Variants in ITSN2 observed in about 807,000 individuals in gnomAD.
ITSN2 encodes the protein intersectin 2.
A neutral mutation model predicts 243.7 loss-of-function variants in ITSN2; 156 were observed. That is an observed-to-expected ratio of 0.64 (90% CI 0.56 to 0.73). The LOEUF (loss-of-function observed/expected upper bound fraction) is 0.73, where lower values mean the gene tolerates loss of function less well. Among genes scored for constraint, ITSN2 ranks in the 30% least tolerant of loss-of-function variants. The pLI, the probability that ITSN2 is intolerant of heterozygous loss-of-function variation, is 0.00. For synonymous variants in ITSN2, 703 were observed against 699.9 expected (o/e 1.00, Z -0.07); for missense variants, 1,801 against 1,996.1 (o/e 0.90, Z 1.86).
At chr2:24,222,052 A>G (rs1276371174) in intron 29 of ITSN2, among the ~76,000 whole-genome samples, 1 of 152,158 alleles carries the variant, frequency 6.6e-6, no homozygotes, top group Non-Finnish European at 1.5e-5. Context: ...GGAGATCGAG[A>G]CCATCCTGGC....
rs2151172685 is a variant in ITSN2, at chr2:24,225,144, C to G, written c.3578-4078G>C. Reference sequence around the variant, plus strand: ...CCACTGTCTGTAGTCAGCCTCTCCTCCAGGGCCCCTCCCTTTCCTTCACGC... The same window carrying G: ...CCACTGTCTGTAGTCAGCCTCTCCTGCAGGGCCCCTCCCTTTCCTTCACGC... On this transcript the variant is annotated intron_variant, in intron 29 of 39. Transcript: ENST00000355123. This position sits in a 1 kb window ranked among gnomAD's most constrained non-coding sequence, Gnocchi z 4.2. Among the ~76,000 whole-genome samples, 1 of 152,278 alleles carries G rather than the reference C, an allele frequency of 6.6e-6. No individual in the cohort carries two copies. The highest frequency in any genetic ancestry group is 2.4e-5 in the African/African-American group (1 of 41,554).
intron 31 of ITSN2, among the ~76,000 whole-genome samples, chr2:24,216,648 G>A (rs559748778): frequency 5.9e-5 from 9 of 152,056 alleles, no homozygotes; most frequent in African/African-American, 1.9e-4. Context: ...CAGCTACTCC[G>A]GAGGCTGAGG....
rs1308666029 is a variant in ITSN2, at chr2:24,246,273, C to T, written c.3433G>A (p.Glu1145Lys). The change falls in exon 29 of 40, where the codon GAG becomes AAG. Residue 1145 changes from glutamate (E) to lysine (K), a missense_variant. Coordinates refer to ENST00000355123, the MANE Select transcript of ITSN2 (RefSeq NM_006277.3). ...AGTTGTCCCTTGGAGAAACTGAGCT[C>T]ATCTTCATTATTTGCTGCATAGTCA... Reference protein sequence around the residue: ...MYDYAANNEDELSFSKGQLIN... With the variant: ...MYDYAANNEDKLSFSKGQLIN... The T allele has an allele frequency of 1.2e-6, 2 of 1,612,540 alleles. No homozygotes were observed. Among genetic ancestry groups the T allele is most frequent in the Non-Finnish European group, 1.7e-6 (2 of 1,178,916 alleles).
At position 24,337,315 on chromosome 2, in the gene ITSN2, A is replaced by AATATATAT. The variant is rs201712131; in HGVS notation, c.-33-9208_-33-9201dup. Among the ~76,000 whole-genome samples the AATATATAT allele has an allele frequency of 2.7e-3, 88 of 32,006 alleles. 1 individual carries two copies. The highest frequency in any genetic ancestry group is 8.2e-3 in the South Asian group (6 of 728). The allele number at this position is 32,006 out of a possible 152,430, so 21.0% of individuals were successfully genotyped here. A position where few individuals can be genotyped will look rare whatever the true frequency, so the allele number is the denominator to read the frequency against. On this transcript the variant is annotated intron_variant, in intron 1 of 39. Transcript: ENST00000355123. ...TGTGTGTGTGTGTGTGTATACACAA[A>AATATATAT]ATATATATATATATATATATATATA...
At chr2:24,214,713 A>T (rs549722425) in intron 32 of ITSN2, among the ~76,000 whole-genome samples, 1 of 152,248 alleles carries the variant, frequency 6.6e-6, no homozygotes, top group Non-Finnish European at 1.5e-5. Flanking sequence ...GGATATATTG[A>T]TATAATTTGT....
chr2:24,284,258 G>A (rs1394772532), intron 17 of ITSN2, among the ~76,000 whole-genome samples: 2 of 152,092 alleles, frequency 1.3e-5, no homozygotes, highest in East Asian at 3.8e-4. Context: ...TATGAGCCTG[G>A]TAACTAGACC....
Position 24,212,732 on chromosome 2 carries a change from G to A in ITSN2, c.4007C>T (p.Pro1336Leu), listed in dbSNP as rs1223348768. ...KEFLKKLASD[P>L]RCKGMPLSSF... Reference sequence around the variant, plus strand: ...GGAGAGGGGCATTCCTTTACACCGCGGGTCAGATGCCAGCTTCTGCAAAAC... The same window carrying A: ...GGAGAGGGGCATTCCTTTACACCGCAGGTCAGATGCCAGCTTCTGCAAAAC... Residue 1336 changes from proline (P) to leucine (L), a missense_variant, in exon 33 of 40, where the codon CCG becomes CTG. Transcript: ENST00000355123. 7.4e-6 allele frequency: 12 copies of A among 1,613,990 alleles called. No homozygotes were observed. The highest frequency in any genetic ancestry group is 1.3e-5 in the African/African-American group (1 of 74,910).
rs779375390 is a variant in ITSN2 at position 24,203,798 on chromosome 2, C to T, written c.4937-15G>A. 6.2e-7 allele frequency: 1 copy of T among 1,605,390 alleles called. No individual in the cohort carries two copies. The highest frequency in any genetic ancestry group is 8.5e-7 in the Non-Finnish European group (1 of 1,174,822). On this transcript the variant is annotated splice_polypyrimidine_tract_variant and intron_variant, in intron 39 of 39. Transcript: ENST00000355123. ...ACCCAGGAAATCTGGTGAATAAACA[C>T]AGGAGAGTCAGAAGTCTTTCTTCTT...
rs12623493 is a variant in ITSN2, at chr2:24,305,626, G to T, written c.794-1764C>A. Among the ~76,000 whole-genome samples, 452 of 140,810 alleles carry T rather than the reference G, an allele frequency of 3.2e-3. 7 individuals are homozygous for T. In the East Asian group the frequency reaches 0.069, roughly 22 times the overall value. 92.4% of individuals were successfully genotyped at this position (140,810 alleles called of 152,430 possible). ...AGGATCACCAACTCCTACACTTATT[G>T]AACAAAACAAACATATAAGTCCAGG... On this transcript the variant is annotated intron_variant, in intron 8 of 39. Transcript: ENST00000355123.
chr2:24,204,391 C>T lies in ITSN2; in HGVS notation c.4790G>A (p.Ser1597Asn), dbSNP rs186077345. 1 of 1,613,980 alleles carries T rather than the reference C, an allele frequency of 6.2e-7. No individual in the cohort carries two copies. The highest frequency in any genetic ancestry group is 8.5e-7 in the Non-Finnish European group (1 of 1,180,000). Reference sequence around the variant, plus strand: ...GGTGGTGTAGCTCTGGGAGCCCATGCTGATTTCACAGTATGGGTTGCTCTT... The same window carrying T: ...GGTGGTGTAGCTCTGGGAGCCCATGTTGATTTCACAGTATGGGTTGCTCTT... ...NGKSNPYCEI[S>N]MGSQSYTTRT... is the part of the protein sequence containing the mutation. The change falls in exon 39 of 40, where the codon AGC (serine) becomes AAC (asparagine). Residue 1597 changes from serine to asparagine, a missense_variant. By Grantham distance (46) the Ser-to-Asn change is conservative. This residue lies in a region of ITSN2 where 928 missense variants were observed against 1,065.4 expected (regional missense o/e 0.87). Transcript: ENST00000355123. This position sits in a 1 kb window ranked among gnomAD's most constrained non-coding sequence, Gnocchi z 5.1.
intron 1 of ITSN2, among the ~76,000 whole-genome samples, chr2:24,331,663 AC>A (rs1157971782): frequency 1.1e-4 from 16 of 152,038 alleles, no homozygotes; most frequent in Admixed American, 9.2e-4. Flanking sequence ...ACTCCCTTAA[AC>A]CCAGACATCT....
rs542987152 is a variant in ITSN2, at chr2:24,240,953, G to C, written c.3577+5176C>G. 2.0e-5 allele frequency: 3 copies of C among 152,210 alleles called. No individual in the cohort carries two copies. The South Asian group carries it at 6.2e-4, about 32-fold the overall frequency. 9.4% of individuals were successfully genotyped at this position (152,210 alleles called of 1,614,324 possible). ...TAAAGTGTTTTCCATTCCAGGAAAA[G>C]AAGTAAATTCTTATGTCAAAGTAGC... On this transcript the variant is annotated intron_variant, in intron 29 of 39. Coordinates refer to ENST00000355123, the MANE Select transcript of ITSN2 (RefSeq NM_006277.3).
intron 17 of ITSN2, 63 bp downstream of exon 17, chr2:24,284,700 A>T: frequency 1.1e-6 from 1 of 918,780 alleles, no homozygotes; most frequent in Non-Finnish European, 1.8e-6. Flanking sequence ...AGAATAGTCT[A>T]GTTTTAAAAA....
At chr2:24,244,139 G>T (rs963436377) in intron 29 of ITSN2, among the ~76,000 whole-genome samples, 3 of 152,148 alleles carry the variant, frequency 2.0e-5, no homozygotes, top group African/African-American at 7.2e-5. Flanking sequence ...ACTAACAGAT[G>T]ATATCAATCT....
In ITSN2 at chr2:24,211,395, A is replaced by C. The variant is rs557532762; in HGVS notation, c.4090-448T>G. 8.5e-5 allele frequency among the ~76,000 whole-genome samples: 13 copies of C among 152,374 alleles called. No homozygotes were observed. The South Asian group carries it at 2.7e-3, about 32-fold the overall frequency. On this transcript the variant is annotated intron_variant, in intron 33 of 39. Coordinates refer to ENST00000355123, the MANE Select transcript of ITSN2 (RefSeq NM_006277.3). This position sits in a 1 kb window ranked among gnomAD's most constrained non-coding sequence, Gnocchi z 4.1. ...TTTTGAAAAAAATCTGATGAAAGCAATGACTCCCATGCCACAGGAAAAATA... is the reference window on the plus strand; with the variant it reads ...TTTTGAAAAAAATCTGATGAAAGCACTGACTCCCATGCCACAGGAAAAATA...
chr2:24,205,624 C>A (rs1668785099), intron 37 of ITSN2: 1 of 298,816 alleles, frequency 3.3e-6, no homozygotes, highest in Admixed American at 4.1e-5. Context: ...CCACAGCCTG[C>A]TGGGTCTGAA....
intron 8 of ITSN2, among the ~76,000 whole-genome samples, chr2:24,306,376 C>T (rs759670386): frequency 2.7e-4 from 41 of 152,258 alleles, no homozygotes; most frequent in Admixed American, 5.2e-4. Context: ...GGCCCCTTCC[C>T]CACACAGTAA....
Position 24,249,205 on chromosome 2 carries a change from G to A in ITSN2, c.3121-323C>T, listed in dbSNP as rs965098419. Among the ~76,000 whole-genome samples the A allele has an allele frequency of 2.6e-5, 4 of 152,176 alleles. No homozygotes were observed. Among genetic ancestry groups the A allele is most frequent in the African/African-American group, 4.8e-5 (2 of 41,444 alleles). On this transcript the variant is annotated intron_variant, in intron 25 of 39. Coordinates refer to ENST00000355123, the MANE Select transcript of ITSN2 (RefSeq NM_006277.3). The surrounding 1 kb of genome is among the most constrained non-coding windows in gnomAD (Gnocchi z 4.4). Reference sequence around the variant, plus strand: ...CAAATGCACTCCATTTATCAATGGCGTTAGCACCAATGCCCACTATGCACA... The same window carrying A: ...CAAATGCACTCCATTTATCAATGGCATTAGCACCAATGCCCACTATGCACA...
At chr2:24,209,512 G>A (rs1669263756) in intron 35 of ITSN2, among the ~76,000 whole-genome samples, 1 of 152,210 alleles carries the variant, frequency 6.6e-6, no homozygotes, top group African/African-American at 2.4e-5. Flanking sequence ...TAGCAACGCT[G>A]GTGCTGTGCT....
Sources: gnomAD v4.1 joint callset for allele counts (sites outside exome capture counted in the v4.1 genomes callset) on GRCh38, gnomAD v4.1.1 for gene constraint, gnomAD v4.1.1 regional missense constraint, Gnocchi (gnomAD v3.1) non-coding constraint, MANE v1.5 for transcripts, NCBI Gene and HGNC (gene_info 2026-07-23, HGNC 2026-07-21) for gene names.